The following NKX2-8 variants were observed in gnomAD, a reference collection of about 807,000 sequenced individuals.
NKX2-8 encodes the protein homeobox protein Nkx-2.8.
In NKX2-8, 8 loss-of-function variants were observed where a neutral mutation model predicts 6.4. The ratio of observed to expected loss-of-function variants is 1.24; its 90% confidence interval spans 0.73 to 2.24. The LOEUF is 2.24. NKX2-8 is among the 30% of genes most tolerant of loss of function. NKX2-8 has a pLI of 0.00. For missense variants in NKX2-8, 406 were observed against 351.1 expected (o/e 1.16, Z -1.25); for synonymous variants, 216 against 171.5 (o/e 1.26, Z -2.03).
Position 36,581,132 on chromosome 14 carries a change from C to G in NKX2-8, c.490G>C (p.Gly164Arg). The change falls in exon 2 of 2, where the codon GGC (glycine) becomes CGC (arginine). Residue 164 changes from glycine to arginine, a missense_variant. By Grantham distance (125) the Gly-to-Arg change is moderately radical. Coordinates refer to ENST00000258829, the MANE Select transcript of NKX2-8 (RefSeq NM_014360.4). The surrounding 1 kb of genome is among the most constrained non-coding windows in gnomAD (Gnocchi z 5.6). The part of the protein sequence containing the change: ...AASAELHAAP[G>R]LLRRVVVPVL... ...GGCACCACCACGCGACGCAGCAGGC[C>G]GGGCGCGGCGTGCAGCTCGGCGGAT... The G allele has an allele frequency of 1.3e-6, 2 of 1,525,094 alleles. No homozygotes were observed. The highest frequency in any genetic ancestry group is 1.7e-6 in the Non-Finnish European group (2 of 1,145,634). The allele number at this position is 1,525,094 out of a possible 1,614,324, so 94.5% of individuals were successfully genotyped here.
chr14:36,582,341 A>T lies in NKX2-8; in HGVS notation c.49T>A (p.Leu17Ile). ...LSFTVRSLLD[L>I]PEQDAQHLPR... is the part of the protein sequence containing the mutation. Reference sequence around the variant, plus strand: ...AGGTGTTGCGCGTCCTGCTCGGGTAAATCTAGAAGGCTGCGCACGGTGAAG... The same window carrying T: ...AGGTGTTGCGCGTCCTGCTCGGGTATATCTAGAAGGCTGCGCACGGTGAAG... The change falls in exon 1 of 2, where the codon TTA becomes ATA. Residue 17 changes from leucine (L) to isoleucine (I), a missense_variant. Leu to Ile is a conservative substitution (Grantham distance 5, BLOSUM62 2). Coordinates refer to ENST00000258829, the MANE Select transcript of NKX2-8 (RefSeq NM_014360.4). 6.2e-7 allele frequency: 1 copy of T among 1,601,502 alleles called. No homozygotes were observed. Among genetic ancestry groups the T allele is most frequent in the Non-Finnish European group, 8.5e-7 (1 of 1,172,544 alleles).
chr14:36,581,172 C>A lies in NKX2-8; in HGVS notation c.450G>T (p.Ser150=), dbSNP rs748491979. 6.3e-7 allele frequency: 1 copy of A among 1,595,420 alleles called. No homozygotes were observed. Among genetic ancestry groups the A allele is most frequent in the South Asian group, 1.1e-5 (1 of 89,074 alleles). The change falls in exon 2 of 2, where the codon TCG becomes TCT. Residue 150 remains serine, a synonymous_variant. Coordinates refer to ENST00000258829, the MANE Select transcript of NKX2-8 (RefSeq NM_014360.4). The surrounding 1 kb of genome is among the most constrained non-coding windows in gnomAD (Gnocchi z 5.6). ...KRARAPGAAE[S]PDLAASAELH... The stretch of plus-strand genomic sequence containing the variant: ...GCTCGGCGGATGCTGCCAGGTCAGG[C>A]GACTCCGCCGCCCCTGGAGCGCGAG...
rs1211220468 is a variant in NKX2-8 at position 36,581,382 on chromosome 14, G to A, written c.240C>T (p.Asp80=). 1.3e-6 allele frequency: 2 copies of A among 1,593,470 alleles called. No homozygotes were observed. Among genetic ancestry groups the A allele is most frequent in the South Asian group, 2.3e-5 (2 of 88,184 alleles). The change falls in exon 2 of 2, where the codon GAC becomes GAT. Residue 80 remains aspartate (D), a synonymous_variant. Transcript: ENST00000258829. The surrounding 1 kb of genome is among the most constrained non-coding windows in gnomAD (Gnocchi z 5.6). ...PSARPASPGS[D]AEKRKKRRVL... ...CCCGCCGCTTCTTCCTTTTCTCGGC[G>A]TCCGAGCCCGGAGACGCGGGCCTAG...
Position 36,582,231 on chromosome 14 carries a change from A to G in NKX2-8, c.157+2T>C. The G allele has an allele frequency of 1.2e-6, 2 of 1,603,654 alleles. No homozygotes were observed. The highest frequency in any genetic ancestry group is 1.7e-5 in the Admixed American group (1 of 59,124). On this transcript the variant is annotated splice_donor_variant, in intron 1 of 1. Coordinates refer to ENST00000258829, the MANE Select transcript of NKX2-8 (RefSeq NM_014360.4). LOFTEE classifies it high-confidence loss of function. ...CCGCACCGCAATCCACCACGCACTT[A>G]CAAGGGTAGTGGCCGCGCTCCGAAT...
At position 36,581,614 on chromosome 14, in the gene NKX2-8, T is replaced by C; in HGVS notation, c.158-150A>G. On this transcript the variant is annotated intron_variant, in intron 1 of 1. Coordinates refer to ENST00000258829, the MANE Select transcript of NKX2-8 (RefSeq NM_014360.4). This position sits in a 1 kb window ranked among gnomAD's most constrained non-coding sequence, Gnocchi z 5.6. ...TGAGGCCATTTCCTGAGTCCACATC[T>C]GGACATCCACCTCTCCGAATGCGGT... The C allele has an allele frequency of 1.5e-6, 1 of 656,760 alleles. No individual in the cohort carries two copies. The highest frequency in any genetic ancestry group is 2.6e-6 in the Non-Finnish European group (1 of 389,044). 40.7% of individuals were successfully genotyped at this position (656,760 alleles called of 1,614,324 possible). A position where few individuals can be genotyped will look rare whatever the true frequency, so the allele number is the denominator to read the frequency against.
In NKX2-8 at chr14:36,580,731, C is replaced by T. The variant is rs1454336203; in HGVS notation, c.*171G>A. The T allele has an allele frequency of 7.2e-6, 3 of 414,008 alleles. No homozygotes were observed. The East Asian group carries it at 1.1e-4, about 15-fold the overall frequency. The allele number at this position is 414,008 out of a possible 1,614,324, so 25.6% of individuals were successfully genotyped here. On this transcript the variant is annotated 3_prime_UTR_variant, in exon 2 of 2. Transcript: ENST00000258829. Reference sequence around the variant, plus strand: ...GGAGGGGGCTCTGGCACACGTCCCTCGTGTGTGCTTGCGCGACGGCTGATG... The same window carrying T: ...GGAGGGGGCTCTGGCACACGTCCCTTGTGTGTGCTTGCGCGACGGCTGATG...
chr14:36,582,352 C>CT lies in NKX2-8; in HGVS notation c.37dup (p.Ser13LysfsTer61). ...GTCCTGCTCGGGTAAATCTAGAAGG[C>CT]TGCGCACGGTGAAGCTCAGGCGTCC... On this transcript the variant is annotated frameshift_variant, in exon 1 of 2. Coordinates refer to ENST00000258829, the MANE Select transcript of NKX2-8 (RefSeq NM_014360.4). LOFTEE classifies it high-confidence loss of function. 2 of 1,591,304 alleles carry CT rather than the reference C, an allele frequency of 1.3e-6. No individual in the cohort carries two copies. Among genetic ancestry groups the CT allele is most frequent in the East Asian group, 2.3e-5 (1 of 43,458 alleles).
rs1165485737 is a variant in NKX2-8 at position 36,581,311 on chromosome 14, C to G, written c.311G>C (p.Arg104Pro). Reference sequence around the variant, plus strand: ...GGGCGCAGACAGGTACCGCTGCTGCCGGAAGCGCCGCTCCAACTCCAGCGT... The same window carrying G: ...GGGCGCAGACAGGTACCGCTGCTGCGGGAAGCGCCGCTCCAACTCCAGCGT... Reference protein sequence around the residue: ...AQTLELERRFRQQRYLSAPER... With the variant: ...AQTLELERRFPQQRYLSAPER... The change falls in exon 2 of 2, where the codon CGG (arginine) becomes CCG (proline). Residue 104 changes from arginine (R) to proline (P), a missense_variant. Coordinates refer to ENST00000258829, the MANE Select transcript of NKX2-8 (RefSeq NM_014360.4). The surrounding 1 kb of genome is among the most constrained non-coding windows in gnomAD (Gnocchi z 5.6). 1 of 1,588,020 alleles carries G rather than the reference C, an allele frequency of 6.3e-7. No homozygotes were observed. Among genetic ancestry groups the G allele is most frequent in the East Asian group, 2.3e-5 (1 of 43,620 alleles).
At position 36,582,282 on chromosome 14, in the gene NKX2-8, C is replaced by A. The variant is rs773487028; in HGVS notation, c.108G>T (p.Gln36His). ...PRREPEPRAP[Q>H]PDPCAAWLDS... ...CCAGCCAGGCGGCGCAGGGGTCGGGCTGGGGGGCGCGTGGTTCTGGCTCCC... is the reference window on the plus strand; with the variant it reads ...CCAGCCAGGCGGCGCAGGGGTCGGGATGGGGGGCGCGTGGTTCTGGCTCCC... The change falls in exon 1 of 2, where the codon CAG becomes CAT. Residue 36 changes from glutamine to histidine, a missense_variant. Physicochemically the swap from Gln to His is conservative, Grantham distance 24. Coordinates refer to ENST00000258829, the MANE Select transcript of NKX2-8 (RefSeq NM_014360.4). 6.2e-7 allele frequency: 1 copy of A among 1,608,480 alleles called. No homozygotes were observed. The highest frequency in any genetic ancestry group is 1.1e-5 in the South Asian group (1 of 90,456).
At position 36,582,288 on chromosome 14, in the gene NKX2-8, G is replaced by A; in HGVS notation, c.102C>T (p.Ala34=). ...AGGCGGCGCAGGGGTCGGGCTGGGG[G>A]GCGCGTGGTTCTGGCTCCCGCCTCG... The part of the protein sequence containing the change: ...HLPRREPEPR[A]PQPDPCAAWL... The change falls in exon 1 of 2, where the codon GCC becomes GCT. Residue 34 remains alanine, a synonymous_variant. Transcript: ENST00000258829. 6.2e-7 allele frequency: 1 copy of A among 1,608,870 alleles called. No homozygotes were observed. Among genetic ancestry groups the A allele is most frequent in the African/African-American group, 1.3e-5 (1 of 74,948 alleles).
At position 36,581,285 on chromosome 14, in the gene NKX2-8, C is replaced by G. The variant is rs761777889; in HGVS notation, c.337G>C (p.Glu113Gln). 3 of 1,600,572 alleles carry G rather than the reference C, an allele frequency of 1.9e-6. No homozygotes were observed. Among genetic ancestry groups the G allele is most frequent in the East Asian group, 2.3e-5 (1 of 44,298 alleles). Residue 113 changes from glutamate to glutamine, a missense_variant, in exon 2 of 2, where the codon GAG (glutamate) becomes CAG (glutamine). Transcript: ENST00000258829. This position sits in a 1 kb window ranked among gnomAD's most constrained non-coding sequence, Gnocchi z 5.6. ...AGCAGGCTCGCCAGCTGCTCGCGCT[C>G]GGGCGCAGACAGGTACCGCTGCTGC... ...FRQQRYLSAP[E>Q]REQLASLLRL...
In NKX2-8 at chr14:36,580,751, C is replaced by T. The variant is rs1045054610; in HGVS notation, c.*151G>A. ...TCCCTCGTGTGTGCTTGCGCGACGG[C>T]TGATGAGGGCGCGCCAGGGACCCTG... On this transcript the variant is annotated 3_prime_UTR_variant, in exon 2 of 2. Coordinates refer to ENST00000258829, the MANE Select transcript of NKX2-8 (RefSeq NM_014360.4). 25 of 471,746 alleles carry T rather than the reference C, an allele frequency of 5.3e-5. No individual in the cohort carries two copies. The East Asian group carries it at 7.1e-4, about 13-fold the overall frequency. 29.2% of individuals were successfully genotyped at this position (471,746 alleles called of 1,614,324 possible).
chr14:36,582,302 G>T lies in NKX2-8; in HGVS notation c.88C>A (p.Pro30Thr). Reference sequence around the variant, plus strand: ...TCGGGCTGGGGGGCGCGTGGTTCTGGCTCCCGCCTCGGCAGGTGTTGCGCG... The same window carrying T: ...TCGGGCTGGGGGGCGCGTGGTTCTGTCTCCCGCCTCGGCAGGTGTTGCGCG... Reference protein sequence around the residue: ...QDAQHLPRREPEPRAPQPDPC... With the variant: ...QDAQHLPRRETEPRAPQPDPC... Residue 30 changes from proline (P) to threonine (T), a missense_variant, in exon 1 of 2, where the codon CCA becomes ACA. By Grantham distance (38) the Pro-to-Thr change is conservative. Transcript: ENST00000258829. 1 of 1,608,260 alleles carries T rather than the reference G, an allele frequency of 6.2e-7. No individual in the cohort carries two copies.
chr14:36,580,795 C>T lies in NKX2-8; in HGVS notation c.*107G>A, dbSNP rs1269360787. The T allele has an allele frequency of 3.6e-6, 3 of 828,172 alleles. No homozygotes were observed. The highest frequency in any genetic ancestry group is 4.9e-6 in the Non-Finnish European group (3 of 617,376). The allele number at this position is 828,172 out of a possible 1,614,324, so 51.3% of individuals were successfully genotyped here. ...GACCCTGGCGCCCAAGGAGATGGGG[C>T]TGCAGGGAGGCGGACGGAGAGCGTT... On this transcript the variant is annotated 3_prime_UTR_variant, in exon 2 of 2. Transcript: ENST00000258829.
chr14:36,581,426 A>T lies in NKX2-8; in HGVS notation c.196T>A (p.Ser66Thr), dbSNP rs1449727914. The T allele has an allele frequency of 5.7e-6, 9 of 1,587,416 alleles. No individual in the cohort carries two copies. The highest frequency in any genetic ancestry group is 6.8e-6 in the Non-Finnish European group (8 of 1,168,518). ...GGCCTAGCGGACGGCCGCTGCGACG[A>T]GTCTGGCGGGCTGGTCTCCAGGCTG... ...ESSLETSPPD[S>T]SQRPSARPAS... Residue 66 changes from serine to threonine, a missense_variant, in exon 2 of 2, where the codon TCG becomes ACG. Physicochemically the swap from Ser to Thr is moderately conservative, Grantham distance 58. Coordinates refer to ENST00000258829, the MANE Select transcript of NKX2-8 (RefSeq NM_014360.4). This position sits in a 1 kb window ranked among gnomAD's most constrained non-coding sequence, Gnocchi z 5.6.
In NKX2-8 at chr14:36,581,404, C is replaced by T. The variant is rs1419291949; in HGVS notation, c.218G>A (p.Arg73Lys). 1 of 1,595,596 alleles carries T rather than the reference C, an allele frequency of 6.3e-7. No individual in the cohort carries two copies. The highest frequency in any genetic ancestry group is 8.5e-7 in the Non-Finnish European group (1 of 1,171,968). ...PPDSSQRPSA[R>K]PASPGSDAEK... ...GGCGTCCGAGCCCGGAGACGCGGGC[C>T]TAGCGGACGGCCGCTGCGACGAGTC... Residue 73 changes from arginine (R) to lysine (K), a missense_variant, in exon 2 of 2, where the codon AGG becomes AAG. Physicochemically the swap from Arg to Lys is conservative, Grantham distance 26. Coordinates refer to ENST00000258829, the MANE Select transcript of NKX2-8 (RefSeq NM_014360.4). This position sits in a 1 kb window ranked among gnomAD's most constrained non-coding sequence, Gnocchi z 5.6.
In NKX2-8 at chr14:36,582,579, C is replaced by G; in HGVS notation, c.-190G>C. The G allele has an allele frequency of 1.9e-6, 1 of 527,660 alleles. No individual in the cohort carries two copies. 32.7% of individuals were successfully genotyped at this position (527,660 alleles called of 1,614,324 possible). ...CCAGGCCGCTTTGAAAGCCGAGGTC[C>G]GGGTCTCCAGGGTGTTAAGTACCTG... On this transcript the variant is annotated 5_prime_UTR_variant, in exon 1 of 2. Transcript: ENST00000258829.
rs752743491 is a variant in NKX2-8, at chr14:36,580,998, C to T, written c.624G>A (p.Leu208=). ...CGGGACCGAAGGCAGGGTAGCCCGG[C>T]AGAGGGCAGGCGGCGGCTGGAGGGG... ...CGAPPAAACP[L]PGYPAFGPGS... The change falls in exon 2 of 2, where the codon CTG becomes CTA. Residue 208 remains leucine (L), a synonymous_variant. Coordinates refer to ENST00000258829, the MANE Select transcript of NKX2-8 (RefSeq NM_014360.4). 9.6e-6 allele frequency: 13 copies of T among 1,350,602 alleles called. No homozygotes were observed. In the South Asian group the frequency reaches 2.2e-4, roughly 23 times the overall value. The allele number at this position is 1,350,602 out of a possible 1,614,324, so 83.7% of individuals were successfully genotyped here. A position where few individuals can be genotyped will look rare whatever the true frequency, so the allele number is the denominator to read the frequency against.
At position 36,582,216 on chromosome 14, in the gene NKX2-8, A is replaced by G. The variant is rs534320482; in HGVS notation, c.157+17T>C. Reference sequence around the variant, plus strand: ...CTCCTACCTCCCACCCCGCACCGCAATCCACCACGCACTTACAAGGGTAGT... The same window carrying G: ...CTCCTACCTCCCACCCCGCACCGCAGTCCACCACGCACTTACAAGGGTAGT... On this transcript the variant is annotated intron_variant, in intron 1 of 1. Transcript: ENST00000258829. 2.8e-5 allele frequency: 45 copies of G among 1,596,084 alleles called. No homozygotes were observed. The highest frequency in any genetic ancestry group is 1.9e-4 in the Admixed American group (11 of 58,624).
Sources: gnomAD v4.1 joint callset for allele counts on GRCh38, gnomAD v4.1.1 for gene constraint, Gnocchi (gnomAD v3.1) non-coding constraint, MANE v1.5 for transcripts, NCBI Gene and HGNC (gene_info 2026-07-23, HGNC 2026-07-21) for gene names.